The following COL4A1 variants were observed in gnomAD, a reference collection of about 807,000 sequenced individuals.
The protein encoded by COL4A1 is collagen alpha-1(IV) chain.
Under a neutral mutation model 216.6 loss-of-function variants are expected in COL4A1, and 40 were observed. That is an observed-to-expected ratio of 0.18 (90% CI 0.14 to 0.24). The LOEUF (loss-of-function observed/expected upper bound fraction) is 0.24. Ranked by LOEUF, COL4A1 falls within the 10% of genes least tolerant of loss-of-function variation. COL4A1 has a pLI of 1.00. For missense variants in COL4A1, 1,628 were observed against 2,196.8 expected, an observed-to-expected ratio of 0.74 and a Z score of 5.18; for synonymous variants, 839 against 810.7, an observed-to-expected ratio of 1.03 and a Z score of -0.59.
intron 1 of COL4A1, among the ~76,000 whole-genome samples, chr13:110,296,965 C>A (rs1884300884): frequency 6.6e-6 from 1 of 152,190 alleles, no homozygotes; most frequent in African/African-American, 2.4e-5. Flanking sequence ...AGGGGCAGGG[C>A]TTCCAGCCCT....
chr13:110,219,237 A>T (rs1181819320), intron 2 of COL4A1, among the ~76,000 whole-genome samples: 1 of 152,200 alleles, frequency 6.6e-6, no homozygotes, highest in Non-Finnish European at 1.5e-5. Flanking sequence ...CCTAAGAGGA[A>T]GGCGTGAGTG....
intron 2 of COL4A1, among the ~76,000 whole-genome samples, chr13:110,215,586 A>G (rs1174359671): frequency 4.0e-5 from 6 of 150,838 alleles, no homozygotes; most frequent in Admixed American, 6.6e-5. Flanking sequence ...ACAACAACCC[A>G]TAACCATTGT....
chr13:110,178,849 A>G, intron 31 of COL4A1, 74 bp downstream of exon 31: 1 of 1,124,426 alleles, frequency 8.9e-7, no homozygotes. Context: ...CTTTATAGGG[A>G]CCCCGGCCTC....
In COL4A1 at chr13:110,213,964, G is replaced by T. The variant is rs751220553; in HGVS notation, c.196C>A (p.Gln66Lys). The change falls in exon 3 of 52, where the codon CAA (glutamine) becomes AAA (lysine). Residue 66 changes from glutamine (Q) to lysine (K), a missense_variant. By Grantham distance (53) the Gln-to-Lys change is moderately conservative. Around this residue, in one of 8 missense-constraint regions of COL4A1, gnomAD observed 150 missense variants for 211.9 expected, o/e 0.71. Coordinates refer to ENST00000375820, the MANE Select transcript of COL4A1 (RefSeq NM_001845.6). ...GGTCCCTGTGGCCCCTCAGGTCCTTGCATTCCAGGAAACCCAATGACACCT... is the reference window on the plus strand; with the variant it reads ...GGTCCCTGTGGCCCCTCAGGTCCTTTCATTCCAGGAAACCCAATGACACCT... ...LQGVIGFPGMQGPEGPQGPPG... is the reference protein window; with the variant it reads ...LQGVIGFPGMKGPEGPQGPPG... The T allele has an allele frequency of 6.2e-5, 100 of 1,613,870 alleles. No individual in the cohort carries two copies. Among genetic ancestry groups the T allele is most frequent in the Non-Finnish European group, 7.6e-5 (90 of 1,180,004 alleles).
At chr13:110,214,856 C>T (rs550610650) in intron 2 of COL4A1, among the ~76,000 whole-genome samples, 4 of 152,200 alleles carry the variant, frequency 2.6e-5, no homozygotes, top group East Asian at 3.9e-4. Context: ...TCCAGCCTTG[C>T]GCAAGTCCAC....
At chr13:110,191,349 A>G (rs1878617439) in intron 24 of COL4A1, 3 of 249,566 alleles carry the variant, frequency 1.2e-5, no homozygotes, top group African/African-American at 6.6e-5. Context: ...GACTTTCAAT[A>G]TCTTACAAAA....
chr13:110,302,575 T>A (rs78310134), intron 1 of COL4A1, among the ~76,000 whole-genome samples: 7,695 of 152,214 alleles, frequency 0.051, 233 homozygotes, highest in Middle Eastern at 0.088. Context: ...GAGGGACCCA[T>A]GTCCCAGAGT....
At chr13:110,270,733 T>A (rs1883215038) in intron 1 of COL4A1, among the ~76,000 whole-genome samples, 1 of 152,200 alleles carries the variant, frequency 6.6e-6, no homozygotes, top group Non-Finnish European at 1.5e-5. Flanking sequence ...TTAGTGGAGA[T>A]GTCCATTTCT....
intron 1 of COL4A1, among the ~76,000 whole-genome samples, chr13:110,278,927 T>C (rs1182048868): frequency 6.6e-6 from 1 of 152,132 alleles, no homozygotes; most frequent in Non-Finnish European, 1.5e-5. Flanking sequence ...ATCATGTTTT[T>C]TCCTGTAAAA....
chr13:110,165,713 T>G (rs960192660), intron 45 of COL4A1, among the ~76,000 whole-genome samples: 5 of 152,188 alleles, frequency 3.3e-5, no homozygotes, highest in Admixed American at 2.0e-4. Flanking sequence ...AAGTATGGTC[T>G]GCTGTAAAGA....
At chr13:110,154,023 C>T (rs764596525) in intron 50 of COL4A1, among the ~76,000 whole-genome samples, 6 of 152,234 alleles carry the variant, frequency 3.9e-5, no homozygotes, top group Non-Finnish European at 8.8e-5. Context: ...AATGCTTTCC[C>T]GCCAATTTTT....
At chr13:110,235,638 G>A (rs1028794588) in intron 2 of COL4A1, among the ~76,000 whole-genome samples, 11 of 130,864 alleles carry the variant, frequency 8.4e-5, no homozygotes, top group Admixed American at 2.6e-4. Flanking sequence ...CAGCCTGGGC[G>A]ACAGAGTAAG....
At chr13:110,182,675 G>A (rs192929082) in intron 28 of COL4A1, among the ~76,000 whole-genome samples, 13 of 152,342 alleles carry the variant, frequency 8.5e-5, no homozygotes, top group Admixed American at 2.6e-4. Context: ...CCCTGGCTGT[G>A]TTCAGGTGGA....
At chr13:110,193,495 A>G (rs2139180915) in intron 22 of COL4A1, among the ~76,000 whole-genome samples, 1 of 152,366 alleles carries the variant, frequency 6.6e-6, no homozygotes, top group East Asian at 1.9e-4. Flanking sequence ...TTTCAAGCCA[A>G]GCTCAGAGAC....
intron 2 of COL4A1, among the ~76,000 whole-genome samples, chr13:110,220,505 G>C (rs1448472644): frequency 6.6e-6 from 1 of 152,146 alleles, no homozygotes; most frequent in Non-Finnish European, 1.5e-5. Flanking sequence ...TGCTAGCCCA[G>C]GAAAAGATCA....
At chr13:110,235,615 C>T (rs898950407) in intron 2 of COL4A1, among the ~76,000 whole-genome samples, 36 of 149,966 alleles carry the variant, frequency 2.4e-4, no homozygotes, top group Admixed American at 1.1e-3. Flanking sequence ...GCTGAGATGA[C>T]GCCACTGCAC....
chr13:110,231,522 G>A (rs1028112963), intron 2 of COL4A1, among the ~76,000 whole-genome samples: 33 of 152,112 alleles, frequency 2.2e-4, no homozygotes, highest in African/African-American at 7.5e-4. Flanking sequence ...ATCCATTCTC[G>A]CAGCCGTGCC....
chr13:110,264,249 T>G (rs559044645), intron 1 of COL4A1, among the ~76,000 whole-genome samples: 1 of 152,276 alleles, frequency 6.6e-6, no homozygotes, highest in African/African-American at 2.4e-5. Context: ...GACATAGACT[T>G]TAAGGAGTTG....
intron 1 of COL4A1, among the ~76,000 whole-genome samples, chr13:110,292,524 T>C (rs948982415): frequency 1.3e-5 from 2 of 152,136 alleles, no homozygotes; most frequent in Admixed American, 1.3e-4. Flanking sequence ...ATTTATAAAG[T>C]AAGGAGATTT....
Sources: gnomAD v4.1 joint callset for allele counts (sites outside exome capture counted in the v4.1 genomes callset) on GRCh38, gnomAD v4.1.1 for gene constraint, gnomAD v4.1.1 regional missense constraint, MANE v1.5 for transcripts, NCBI Gene and HGNC (gene_info 2026-07-23, HGNC 2026-07-21) for gene names.